PIGK: variants seen among roughly 807,000 people sequenced by gnomAD.
PIGK encodes phosphatidylinositol glycan anchor biosynthesis class K.
A neutral mutation model predicts 50.6 loss-of-function variants in PIGK; 42 were observed. The ratio of observed to expected loss-of-function variants is 0.83; its 90% CI spans 0.65 to 1.07. PIGK has a LOEUF of 1.07. PIGK is among the 50% of genes least tolerant of loss of function. The probability of loss-of-function intolerance (pLI) is 0.00; values close to 1 mark genes in which losing one functional copy is unlikely to be tolerated. For synonymous variants in PIGK, 151 were observed against 156.0 expected (o/e 0.97, Z 0.24); for missense variants, 448 against 488.7 (o/e 0.92, Z 0.78).
chr1:77,180,096 C>T (rs1347591420), intron 3 of PIGK, among the ~76,000 whole-genome samples: 3 of 151,776 alleles, frequency 2.0e-5, no homozygotes, highest in Non-Finnish European at 4.4e-5. Flanking sequence ...GTTTTTGTAT[C>T]TTATTAAAAT....
chr1:77,114,981 T>C (rs570241301), intron 10 of PIGK, among the ~76,000 whole-genome samples: 89 of 152,292 alleles, frequency 5.8e-4, no homozygotes, highest in African/African-American at 2.1e-3. Flanking sequence ...TTTCCAGATA[T>C]TGATAATTCA....
rs142992945 is a variant in PIGK at position 77,206,267 on chromosome 1, C to T, written c.239+373G>A. Among the ~76,000 whole-genome samples, 44 of 152,248 alleles carry T rather than the reference C, an allele frequency of 2.9e-4. 1 individual carries two copies. The East Asian group carries it at 5.6e-3, about 19-fold the overall frequency. Reference sequence around the variant, plus strand: ...TGGCTATTAAAGGATACAACCTTCTCACTAATTTGGCAAGGTAATCAATAT... The same window carrying T: ...TGGCTATTAAAGGATACAACCTTCTTACTAATTTGGCAAGGTAATCAATAT... On this transcript the variant is annotated intron_variant, in intron 3 of 10. Coordinates refer to ENST00000370812, the MANE Select transcript of PIGK (RefSeq NM_005482.3).
intron 3 of PIGK, among the ~76,000 whole-genome samples, chr1:77,196,679 G>C (rs1332289708): frequency 3.3e-5 from 5 of 151,974 alleles, no homozygotes; most frequent in Admixed American, 1.3e-4. Flanking sequence ...GTTTTTGCTT[G>C]TTGAGTTGTT....
intron 1 of PIGK, among the ~76,000 whole-genome samples, chr1:77,218,551 T>C (rs1656639967): frequency 6.6e-6 from 1 of 152,182 alleles, no homozygotes; most frequent in East Asian, 1.9e-4. Context: ...AGTTTTTCAG[T>C]GTCTTTTTAA....
At chr1:77,200,445 T>C (rs1371764821) in intron 3 of PIGK, among the ~76,000 whole-genome samples, 1 of 152,076 alleles carries the variant, frequency 6.6e-6, no homozygotes, top group African/African-American at 2.4e-5. Context: ...ATTCAACATA[T>C]ACACATTTTA....
chr1:77,106,285 A>G (rs1653670775), intron 10 of PIGK, among the ~76,000 whole-genome samples: 2 of 152,132 alleles, frequency 1.3e-5, no homozygotes, highest in African/African-American at 4.8e-5. Context: ...TCAAGTGGAA[A>G]AGGAGGACTG....
At chr1:77,192,948 T>C (rs1018552693) in intron 3 of PIGK, among the ~76,000 whole-genome samples, 12 of 152,144 alleles carry the variant, frequency 7.9e-5, no homozygotes, top group Non-Finnish European at 1.8e-4. Flanking sequence ...AAACCATATC[T>C]GAATTTCATG....
At chr1:77,144,358 T>C (rs1654719890) in intron 9 of PIGK, among the ~76,000 whole-genome samples, 1 of 151,944 alleles carries the variant, frequency 6.6e-6, no homozygotes, top group Non-Finnish European at 1.5e-5. Context: ...CAGAACTTTA[T>C]CGTCTAAAAA....
intron 2 of PIGK, among the ~76,000 whole-genome samples, chr1:77,208,491 T>C (rs1656342695): frequency 6.6e-6 from 1 of 152,172 alleles, no homozygotes; most frequent in African/African-American, 2.4e-5. Context: ...CCCTTTGCAA[T>C]TGGTGGTCTG....
At chr1:77,212,256 T>C (rs1425221931) in intron 1 of PIGK, among the ~76,000 whole-genome samples, 1 of 152,118 alleles carries the variant, frequency 6.6e-6, no homozygotes, top group Non-Finnish European at 1.5e-5. Flanking sequence ...ACTAGACCTG[T>C]CAGAATGTCT....
rs559297339 is a variant in PIGK, at chr1:77,143,920, C to A, written c.986+10529G>T. On this transcript the variant is annotated intron_variant, in intron 9 of 10. Transcript: ENST00000370812. ...TTCTCTCAATAATACTTAACACTTA[C>A]TGAGTGCTTCACTATATTTGAGGCA... 5.8e-3 allele frequency among the ~76,000 whole-genome samples: 883 copies of A among 152,098 alleles called. 7 individuals carry two copies. The highest frequency in any genetic ancestry group is 0.02 in the African/African-American group (838 of 41,526).
At chr1:77,109,562 C>T (rs1435486756) in intron 10 of PIGK, among the ~76,000 whole-genome samples, 1 of 152,204 alleles carries the variant, frequency 6.6e-6, no homozygotes, top group East Asian at 1.9e-4. Flanking sequence ...TTCAACCACA[C>T]TTCATGCTAA....
intron 1 of PIGK, among the ~76,000 whole-genome samples, chr1:77,211,515 CA>C (rs1369115672): frequency 2.6e-5 from 4 of 151,894 alleles, no homozygotes; most frequent in African/African-American, 9.7e-5. Flanking sequence ...GGAATTTAAC[CA>C]AAGATTAATA....
chr1:77,175,115 G>C (rs887441065), intron 3 of PIGK, among the ~76,000 whole-genome samples: 1 of 151,928 alleles, frequency 6.6e-6, no homozygotes, highest in South Asian at 2.1e-4. Context: ...GTAAAATAAA[G>C]ACATTTGTTC....
intron 3 of PIGK, among the ~76,000 whole-genome samples, chr1:77,186,315 C>T (rs1245234608): frequency 6.6e-6 from 1 of 152,214 alleles, no homozygotes; most frequent in Non-Finnish European, 1.5e-5. Context: ...CCGTCTAGGA[C>T]ATCCCTGAAG....
At chr1:77,142,297 T>G (rs1243783869) in intron 9 of PIGK, among the ~76,000 whole-genome samples, 3 of 152,192 alleles carry the variant, frequency 2.0e-5, no homozygotes, top group Non-Finnish European at 4.4e-5. Flanking sequence ...ATTGTATTGC[T>G]CATTGTATCT....
At chr1:77,189,394 G>A (rs1458485308) in intron 3 of PIGK, among the ~76,000 whole-genome samples, 1 of 152,098 alleles carries the variant, frequency 6.6e-6, no homozygotes, top group Non-Finnish European at 1.5e-5. Context: ...CTGTGAGGGT[G>A]TTGCCAAAAG....
chr1:77,171,703 G>C (rs1032881200), intron 3 of PIGK, among the ~76,000 whole-genome samples: 2 of 151,986 alleles, frequency 1.3e-5, no homozygotes, highest in Non-Finnish European at 2.9e-5. Flanking sequence ...TACGGAAAAA[G>C]AGAAGTTGGG....
At chr1:77,113,187 T>G (rs1165446509) in intron 10 of PIGK, among the ~76,000 whole-genome samples, 2 of 151,840 alleles carry the variant, frequency 1.3e-5, no homozygotes, top group Non-Finnish European at 2.9e-5. Flanking sequence ...AAAAGAAAAA[T>G]TTATTACATA....
Sources: gnomAD v4.1 joint callset for allele counts (sites outside exome capture counted in the v4.1 genomes callset) on GRCh38, gnomAD v4.1.1 for gene constraint, MANE v1.5 for transcripts, NCBI Gene and HGNC (gene_info 2026-07-23, HGNC 2026-07-21) for gene names.